Variants in ARHGAP17 observed in about 807,000 individuals in gnomAD.
ARHGAP17 encodes Rho GTPase activating protein 17.
ARHGAP17 carries 57 observed loss-of-function variants against 99.5 expected under a neutral mutation model. The observed-to-expected ratio is 0.57, with a 90% CI of 0.46 to 0.71. The LOEUF is 0.71. Ranked by LOEUF, ARHGAP17 falls within the 30% of genes least tolerant of loss-of-function variation. ARHGAP17 has a pLI of 0.00. For synonymous variants in ARHGAP17, 417 were observed against 429.6 expected (o/e 0.97, Z 0.36); for missense variants, 1,000 against 1,122.4 (o/e 0.89, Z 1.56).
chr16:24,924,307 T>C (rs1325237453), intron 19 of ARHGAP17, among the ~76,000 whole-genome samples: 1 of 152,132 alleles, frequency 6.6e-6, no homozygotes, highest in African/African-American at 2.4e-5. Flanking sequence ...TTATATATTA[T>C]TTGCATTCCA....
chr16:24,957,882 C>T (rs528968521), intron 9 of ARHGAP17, among the ~76,000 whole-genome samples: 1 of 152,226 alleles, frequency 6.6e-6, no homozygotes, highest in African/African-American at 2.4e-5. Flanking sequence ...CCAGAGTCCA[C>T]GGAGGTGAGG....
At chr16:25,014,306 C>T (rs1273969697) in intron 1 of ARHGAP17, among the ~76,000 whole-genome samples, 2 of 152,170 alleles carry the variant, frequency 1.3e-5, no homozygotes, top group South Asian at 2.1e-4. Flanking sequence ...CAGCCAGCTG[C>T]CCTGAAAGAC....
intron 19 of ARHGAP17, among the ~76,000 whole-genome samples, chr16:24,921,797 G>T (rs1388474446): frequency 6.6e-6 from 1 of 152,184 alleles, no homozygotes; most frequent in Non-Finnish European, 1.5e-5. Context: ...GACAATTCAG[G>T]TCTTGTGATA....
intron 19 of ARHGAP17, chr16:24,921,149 T>C (rs2152435618): frequency 6.6e-6 from 1 of 152,344 alleles, no homozygotes; most frequent in East Asian, 1.9e-4. Flanking sequence ...TTCTACCTGC[T>C]GAGGACGCAG....
rs780671443 is a variant in ARHGAP17, at chr16:24,930,679, T to G, written c.2515+105A>C. Reference sequence around the variant, plus strand: ...GGACAGGTTTGGTTTGGCTTGCGGGTGTAGTTTGCTGACACCTGGCATAAA... The same window carrying G: ...GGACAGGTTTGGTTTGGCTTGCGGGGGTAGTTTGCTGACACCTGGCATAAA... On this transcript the variant is annotated intron_variant, in intron 19 of 19. Transcript: ENST00000289968. 121 of 1,594,896 alleles carry G rather than the reference T, an allele frequency of 7.6e-5. No homozygotes were observed. In the African/African-American group the frequency reaches 9.5e-4, roughly 13 times the overall value.
intron 1 of ARHGAP17, among the ~76,000 whole-genome samples, chr16:25,006,030 G>A (rs1045877866): frequency 6.6e-6 from 1 of 152,132 alleles, no homozygotes; most frequent in African/African-American, 2.4e-5. Context: ...GAGGTGAGCA[G>A]CTATAATCAT....
chr16:24,993,252 T>C (rs2053101049), intron 1 of ARHGAP17, among the ~76,000 whole-genome samples: 1 of 152,204 alleles, frequency 6.6e-6, no homozygotes, highest in South Asian at 2.1e-4. Flanking sequence ...TATTTCATTA[T>C]AATAGGTTGG....
chr16:24,990,347 A>G (rs1253629980), intron 1 of ARHGAP17, among the ~76,000 whole-genome samples: 1 of 152,124 alleles, frequency 6.6e-6, no homozygotes, highest in Admixed American at 6.5e-5. Context: ...TTAGCCAGGC[A>G]TGGTGGTGCA....
chr16:24,959,608 A>T, intron 9 of ARHGAP17, 63 bp downstream of exon 9: 3 of 1,530,320 alleles, frequency 2.0e-6, no homozygotes, highest in Non-Finnish European at 2.7e-6. Context: ...CAGGGTGAAG[A>T]AGAACCCAGG....
At chr16:24,966,692 G>A in intron 6 of ARHGAP17, among the ~76,000 whole-genome samples, 1 of 151,910 alleles carries the variant, frequency 6.6e-6, no homozygotes, top group African/African-American at 2.4e-5. Flanking sequence ...GCTGAGGCAG[G>A]AGGATCCCTT....
chr16:24,953,053 T>G lies in ARHGAP17; in HGVS notation c.853-11A>C. ...AATTCGGAAAAGGCCCTAAAGATAA[T>G]GAAAAGCCATCAGCATCAAGTGCAG... On this transcript the variant is annotated splice_polypyrimidine_tract_variant and intron_variant, in intron 10 of 19. Transcript: ENST00000289968. 1 of 1,613,478 alleles carries G rather than the reference T, an allele frequency of 6.2e-7. No individual in the cohort carries two copies. Among genetic ancestry groups the G allele is most frequent in the Non-Finnish European group, 8.5e-7 (1 of 1,179,456 alleles).
At chr16:24,992,980 T>C (rs1199913196) in intron 1 of ARHGAP17, among the ~76,000 whole-genome samples, 2 of 152,102 alleles carry the variant, frequency 1.3e-5, no homozygotes, top group African/African-American at 4.8e-5. Context: ...TTGTATTTTT[T>C]TGTACAGACA....
At chr16:24,989,116 T>C (rs1449629774) in intron 1 of ARHGAP17, among the ~76,000 whole-genome samples, 1 of 152,060 alleles carries the variant, frequency 6.6e-6, no homozygotes, top group African/African-American at 2.4e-5. Context: ...ACACAAAAAG[T>C]CTAAAGCAAA....
At chr16:24,966,925 A>C (rs1225738432) in intron 6 of ARHGAP17, among the ~76,000 whole-genome samples, 1 of 152,194 alleles carries the variant, frequency 6.6e-6, no homozygotes, top group Non-Finnish European at 1.5e-5. Context: ...AAAAGTAGGG[A>C]ATGTTACACT....
chr16:24,928,747 T>C (rs913290275), intron 19 of ARHGAP17, among the ~76,000 whole-genome samples: 3 of 152,130 alleles, frequency 2.0e-5, no homozygotes, highest in African/African-American at 7.2e-5. Context: ...GCTGTACATA[T>C]GATGAGGGCC....
chr16:25,013,491 C>T lies in ARHGAP17; in HGVS notation c.53+1718G>A, dbSNP rs1393299479. 2.0e-5 allele frequency among the ~76,000 whole-genome samples: 3 copies of T among 152,086 alleles called. No homozygotes were observed. In the East Asian group the frequency reaches 5.8e-4, roughly 29 times the overall value. ...ACAAAAATTAGCGGATGTGGTGGTG[C>T]CCACCTGTAGTTCCAACCACATAGG... On this transcript the variant is annotated intron_variant, in intron 1 of 19. Transcript: ENST00000289968.
intron 3 of ARHGAP17, among the ~76,000 whole-genome samples, chr16:24,975,383 T>C (rs889428460): frequency 7.9e-5 from 12 of 152,064 alleles, no homozygotes; most frequent in African/African-American, 2.2e-4. Flanking sequence ...AGAATATGAC[T>C]TGGAGAATAA....
intron 9 of ARHGAP17, 125 bp from the exon 10 acceptor site, chr16:24,954,855 C>G (rs1029014950): frequency 7.6e-7 from 1 of 1,311,224 alleles, no homozygotes; most frequent in African/African-American, 1.5e-5. Flanking sequence ...AGAGGGGATA[C>G]ATCTGTTCTA....
Position 24,955,776 on chromosome 16 carries a change from G to A in ARHGAP17, c.725-1046C>T, listed in dbSNP as rs1013342603. On this transcript the variant is annotated intron_variant, in intron 9 of 19. Transcript: ENST00000289968. The surrounding 1 kb of genome is among the most constrained non-coding windows in gnomAD (Gnocchi z 4.0). ...TACACTCTCTCCCATGTCACAGCAG[G>A]GGTAGATTTGCACATGGGGAAGGAA... 2.0e-5 allele frequency: 3 copies of A among 152,244 alleles called. No individual in the cohort carries two copies. Among genetic ancestry groups the A allele is most frequent in the Non-Finnish European group, 4.4e-5 (3 of 68,076 alleles). The allele number at this position is 152,244 out of a possible 1,614,324, so 9.4% of individuals were successfully genotyped here. A position where few individuals can be genotyped will look rare whatever the true frequency, so the allele number is the denominator to read the frequency against.
Sources: allele counts gnomAD v4.1 joint callset (sites outside exome capture counted in the v4.1 genomes callset), GRCh38; gene constraint gnomAD v4.1.1; non-coding constraint Gnocchi (gnomAD v3.1); transcripts MANE v1.5; gene names NCBI Gene and HGNC (gene_info 2026-07-23, HGNC 2026-07-21).